The following BMERB1 variants were observed in gnomAD, a reference collection of about 807,000 sequenced individuals.
BMERB1 encodes the protein bMERB domain-containing protein 1.
A neutral mutation model predicts 23.6 loss-of-function variants in BMERB1; 12 were observed. That is an observed-to-expected ratio of 0.51 (90% CI 0.33 to 0.82). The LOEUF is 0.82. Among genes scored for constraint, BMERB1 ranks in the 40% least tolerant of loss-of-function variants. The pLI, the probability that BMERB1 is intolerant of heterozygous loss-of-function variation, is 0.03. For synonymous variants in BMERB1, 122 were observed against 96.6 expected (o/e 1.26, Z -1.54); for missense variants, 247 against 255.4 (o/e 0.97, Z 0.22).
In BMERB1 at chr16:15,452,331, G is replaced by GGAGAGAGGGAGGGAGA. The variant is rs532543517; in HGVS notation, c.106+17579_106+17580insGGAGGGAGAGAGAGAG. Among the ~76,000 whole-genome samples, 295 of 132,946 alleles carry GGAGAGAGGGAGGGAGA rather than the reference G, an allele frequency of 2.2e-3. 1 individual carries two copies. Among genetic ancestry groups the GGAGAGAGGGAGGGAGA allele is most frequent in the African/African-American group, 4.5e-3 (153 of 34,098 alleles). 87.2% of individuals were successfully genotyped at this position (132,946 alleles called of 152,430 possible). A position where few individuals can be genotyped will look rare whatever the true frequency, so the allele number is the denominator to read the frequency against. Reference sequence around the variant, plus strand: ...AAGGAAGGGAGAGAGAGGGAGGGAGGGAGAGAGAGAGAGAGAGAGAGAGAA... The same window carrying GGAGAGAGGGAGGGAGA: ...AAGGAAGGGAGAGAGAGGGAGGGAGGGAGAGAGGGAGGGAGAGAGAGAGAGAGAGAGAGAGAGAGAA... On this transcript the variant is annotated intron_variant, in intron 1 of 5. Coordinates refer to ENST00000300006, the MANE Select transcript of BMERB1 (RefSeq NM_033201.3).
At chr16:15,533,862 G>A (rs565191220) in intron 2 of BMERB1, among the ~76,000 whole-genome samples, 7 of 152,148 alleles carry the variant, frequency 4.6e-5, no homozygotes, top group South Asian at 2.1e-4. Context: ...TCAACCCTGC[G>A]CATCCTTTCT....
At chr16:15,578,472 C>A (rs747148788) in intron 3 of BMERB1, among the ~76,000 whole-genome samples, 12 of 152,082 alleles carry the variant, frequency 7.9e-5, no homozygotes, top group Non-Finnish European at 1.6e-4. Context: ...AAGCAACTTA[C>A]AAATTACTTT....
At chr16:15,449,835 TGCACCCA>T (rs765724890) in intron 1 of BMERB1, among the ~76,000 whole-genome samples, 29 of 152,092 alleles carry the variant, frequency 1.9e-4, no homozygotes, top group Middle Eastern at 3.4e-3. Context: ...CATGAACCAC[TGCACCCA>T]GCCTACTTTA....
rs2031166722 is a variant in BMERB1, at chr16:15,587,060, A to G, written c.*231A>G. The stretch of plus-strand genomic sequence containing the variant: ...GTCCTCCCCAGAGCATGCCGAACCC[A>G]GGAGTCTGTCTCACTGTTTATCCAA... On this transcript the variant is annotated 3_prime_UTR_variant, in exon 6 of 6. Transcript: ENST00000300006. The G allele has an allele frequency of 3.9e-6, 2 of 516,938 alleles. No individual in the cohort carries two copies. The highest frequency in any genetic ancestry group is 3.3e-5 in the East Asian group (1 of 30,612). 32.0% of individuals were successfully genotyped at this position (516,938 alleles called of 1,614,324 possible).
chr16:15,553,223 G>C (rs947044113), intron 2 of BMERB1, among the ~76,000 whole-genome samples: 1 of 152,220 alleles, frequency 6.6e-6, no homozygotes, highest in Non-Finnish European at 1.5e-5. Context: ...GGCTAGGCTG[G>C]TCTTGAACTC....
chr16:15,510,536 G>A (rs1216651539), intron 1 of BMERB1, among the ~76,000 whole-genome samples: 1 of 152,044 alleles, frequency 6.6e-6, no homozygotes, highest in Non-Finnish European at 1.5e-5. Context: ...GTTTTGGGTG[G>A]TGGGCTCCCT....
chr16:15,507,341 G>A (rs1007413188), intron 1 of BMERB1, among the ~76,000 whole-genome samples: 3 of 152,142 alleles, frequency 2.0e-5, no homozygotes, highest in African/African-American at 4.8e-5. Context: ...AGGGCTGCCC[G>A]GGTGCTCAGC....
At chr16:15,521,071 C>T (rs2051847334) in intron 2 of BMERB1, among the ~76,000 whole-genome samples, 1 of 152,156 alleles carries the variant, frequency 6.6e-6, no homozygotes. Context: ...CATTTCTTCC[C>T]TGCTATGTAA....
chr16:15,444,702 G>C (rs1271644262), intron 1 of BMERB1, among the ~76,000 whole-genome samples: 1 of 152,200 alleles, frequency 6.6e-6, no homozygotes, highest in East Asian at 1.9e-4. Flanking sequence ...CTGCATGGAA[G>C]AGCAGATGGT....
chr16:15,568,650 A>G (rs2030644361), intron 3 of BMERB1, among the ~76,000 whole-genome samples: 2 of 152,028 alleles, frequency 1.3e-5, no homozygotes, highest in Admixed American at 6.6e-5. Context: ...AAAAATATAT[A>G]ATTAAATTAA....
At chr16:15,510,486 A>G (rs1051181456) in intron 1 of BMERB1, among the ~76,000 whole-genome samples, 10 of 152,164 alleles carry the variant, frequency 6.6e-5, no homozygotes, top group Non-Finnish European at 1.0e-4. Flanking sequence ...GCAAGCATAT[A>G]TTAAACGTGA....
intron 2 of BMERB1, among the ~76,000 whole-genome samples, chr16:15,521,940 C>T (rs547204056): frequency 6.6e-6 from 1 of 152,284 alleles, no homozygotes; most frequent in Admixed American, 6.5e-5. Flanking sequence ...TGTCAACAAC[C>T]TCAGACTCAT....
chr16:15,568,156 G>C, intron 3 of BMERB1, 100 bp downstream of exon 3: 1 of 920,436 alleles, frequency 1.1e-6, no homozygotes, highest in Non-Finnish European at 1.7e-6. Context: ...CCTCATTCTT[G>C]CAATGCAGTG....
In BMERB1 at chr16:15,568,931, C is replaced by T. The variant is rs76326639; in HGVS notation, c.304+875C>T. Among the ~76,000 whole-genome samples the T allele has an allele frequency of 2.9e-4, 44 of 152,014 alleles. No homozygotes were observed. The East Asian group carries it at 7.2e-3, about 25-fold the overall frequency. On this transcript the variant is annotated intron_variant, in intron 3 of 5. Coordinates refer to ENST00000300006, the MANE Select transcript of BMERB1 (RefSeq NM_033201.3). ...GGCTTACCCTTATCAAAATGCTAGTCCCAGGCCAGGCATGGTGGCTCACGC... is the reference window on the plus strand; with the variant it reads ...GGCTTACCCTTATCAAAATGCTAGTTCCAGGCCAGGCATGGTGGCTCACGC...
At chr16:15,581,800 C>T (rs989739187) in intron 4 of BMERB1, among the ~76,000 whole-genome samples, 2 of 152,182 alleles carry the variant, frequency 1.3e-5, no homozygotes, top group African/African-American at 4.8e-5. Flanking sequence ...TTTGCATCTG[C>T]TGCCTTGACC....
At chr16:15,492,339 C>T (rs772535145) in intron 1 of BMERB1, among the ~76,000 whole-genome samples, 17 of 152,180 alleles carry the variant, frequency 1.1e-4, no homozygotes, top group Non-Finnish European at 2.4e-4. Flanking sequence ...GAGACACACA[C>T]GAGGTTCTGG....
chr16:15,501,460 T>A (rs936709966), intron 1 of BMERB1, among the ~76,000 whole-genome samples: 1 of 151,604 alleles, frequency 6.6e-6, no homozygotes, highest in African/African-American at 2.4e-5. Context: ...GCCCAGTTAA[T>A]TTTTTTTGTT....
At position 15,571,062 on chromosome 16, in the gene BMERB1, G is replaced by A. The variant is rs1041488691; in HGVS notation, c.304+3006G>A. 6.0e-5 allele frequency among the ~76,000 whole-genome samples: 9 copies of A among 150,872 alleles called. 1 individual carries two copies. The highest frequency in any genetic ancestry group is 4.6e-4 in the Admixed American group (7 of 15,248). ...GTCTTTGTGACCTGTATCTTGTGCC[G>A]ACCTCCTATCTCATCTTGTGACTTA... On this transcript the variant is annotated intron_variant, in intron 3 of 5. Transcript: ENST00000300006.
At chr16:15,463,805 CCT>C (rs2051157659) in intron 1 of BMERB1, among the ~76,000 whole-genome samples, 1 of 151,640 alleles carries the variant, frequency 6.6e-6, no homozygotes, top group Admixed American at 6.6e-5. Context: ...TCCATTGGAA[CCT>C]GGGACTTTCC....
Sources: gnomAD v4.1 joint callset for allele counts (sites outside exome capture counted in the v4.1 genomes callset) on GRCh38, gnomAD v4.1.1 for gene constraint, MANE v1.5 for transcripts, NCBI Gene and HGNC (gene_info 2026-07-23, HGNC 2026-07-21) for gene names.